The following ATP8A2 variants were observed in gnomAD, a reference collection of about 807,000 sequenced individuals.
The protein encoded by ATP8A2 is ATPase phospholipid transporting 8A2, also known as phospholipid-transporting ATPase IB.
Under a neutral mutation model 165.6 loss-of-function variants are expected in ATP8A2, and 100 were observed. The observed-to-expected ratio is 0.60, with a 90% CI of 0.51 to 0.71. The LOEUF (loss-of-function observed/expected upper bound fraction) is 0.71. Ranked by LOEUF, ATP8A2 falls within the 30% of genes least tolerant of loss-of-function variation. The pLI is 0.00. For synonymous variants in ATP8A2, 543 were observed against 548.8 expected, an observed-to-expected ratio of 0.99 and a Z score of 0.15; for missense variants, 1,227 against 1,479.5, an observed-to-expected ratio of 0.83 and a Z score of 2.80.
At chr13:25,654,752 C>T (rs2041889372) in intron 24 of ATP8A2, among the ~76,000 whole-genome samples, 1 of 152,158 alleles carries the variant, frequency 6.6e-6, no homozygotes, top group Admixed American at 6.5e-5. Flanking sequence ...CCTTCATTGT[C>T]ACTGGGGAGA....
At chr13:25,502,955 G>T (rs1480124257) in intron 2 of ATP8A2, among the ~76,000 whole-genome samples, 2 of 152,154 alleles carry the variant, frequency 1.3e-5, no homozygotes, top group African/African-American at 4.8e-5. Flanking sequence ...TTATTAGCTT[G>T]AGAAGAGACC....
chr13:25,955,604 T>C (rs1316099093), intron 33 of ATP8A2, among the ~76,000 whole-genome samples: 1 of 152,178 alleles, frequency 6.6e-6, no homozygotes, highest in African/African-American at 2.4e-5. Context: ...AATAGGCCAA[T>C]AACAAGTTCT....
At chr13:25,665,017 G>A (rs1203607146) in intron 24 of ATP8A2, among the ~76,000 whole-genome samples, 4 of 151,382 alleles carry the variant, frequency 2.6e-5, no homozygotes, top group Admixed American at 1.3e-4. Context: ...AAAAGCCGTC[G>A]AGACCAGGAG....
intron 1 of ATP8A2, among the ~76,000 whole-genome samples, chr13:25,452,758 C>CGTT (rs2035262410): frequency 6.6e-6 from 1 of 152,034 alleles, no homozygotes; most frequent in Admixed American, 6.6e-5. Flanking sequence ...TGAAATTAAA[C>CGTT]GTTTAATTTT....
intron 33 of ATP8A2, among the ~76,000 whole-genome samples, chr13:25,864,840 C>G (rs538491143): frequency 6.6e-6 from 1 of 152,158 alleles, no homozygotes; most frequent in Non-Finnish European, 1.5e-5. Flanking sequence ...TGTGTATCAT[C>G]TCTAGCCTTC....
intron 10 of ATP8A2, among the ~76,000 whole-genome samples, chr13:25,549,312 T>C (rs190033750): frequency 9.9e-5 from 15 of 151,950 alleles, no homozygotes; most frequent in African/African-American, 2.9e-4. Flanking sequence ...ACAAAAAAAT[T>C]AGTCGGGCAT....
intron 33 of ATP8A2, among the ~76,000 whole-genome samples, chr13:25,945,027 A>G (rs1317318899): frequency 6.6e-6 from 1 of 152,218 alleles, no homozygotes; most frequent in Admixed American, 6.5e-5. Flanking sequence ...GGGAGCCTGA[A>G]ACCAAGACCT....
At chr13:25,445,048 C>T (rs1408830782) in intron 1 of ATP8A2, among the ~76,000 whole-genome samples, 3 of 152,174 alleles carry the variant, frequency 2.0e-5, no homozygotes, top group Admixed American at 6.5e-5. Flanking sequence ...TACATGCGTT[C>T]TTTATTTTGG....
chr13:25,710,817 T>C (rs767330469), intron 25 of ATP8A2, among the ~76,000 whole-genome samples: 15 of 128,318 alleles, frequency 1.2e-4, no homozygotes, highest in Admixed American at 5.1e-4. Flanking sequence ...GGGATGAGTG[T>C]GTGGTGGGAA....
chr13:25,910,552 T>C (rs1350603005), intron 33 of ATP8A2, among the ~76,000 whole-genome samples: 1 of 151,840 alleles, frequency 6.6e-6, no homozygotes, highest in Non-Finnish European at 1.5e-5. Context: ...TGGACAGCAG[T>C]AGAGAGAAGT....
chr13:25,632,133 G>T (rs1208229249), intron 24 of ATP8A2, among the ~76,000 whole-genome samples: 1 of 152,172 alleles, frequency 6.6e-6, no homozygotes, highest in African/African-American at 2.4e-5. Context: ...TGAACAGCCA[G>T]ATAGAGAGAT....
chr13:25,958,482 G>A (rs534449395), intron 33 of ATP8A2, among the ~76,000 whole-genome samples: 1 of 152,266 alleles, frequency 6.6e-6, no homozygotes, highest in East Asian at 1.9e-4. Flanking sequence ...GTGCTGCACA[G>A]CTCATTGGCT....
intron 25 of ATP8A2, among the ~76,000 whole-genome samples, chr13:25,753,716 G>A (rs1226175914): frequency 6.6e-6 from 1 of 152,206 alleles, no homozygotes; most frequent in African/African-American, 2.4e-5. Context: ...GCAGCCACAT[G>A]ACAGCCATGT....
At chr13:25,791,542 T>TAC (rs55661899) in intron 27 of ATP8A2, among the ~76,000 whole-genome samples, 25,580 of 142,748 alleles carry the variant, frequency 0.18, 2,315 homozygotes, top group Admixed American at 0.24. Flanking sequence ...CACACACACA[T>TAC]ACACACACAC....
intron 33 of ATP8A2, among the ~76,000 whole-genome samples, chr13:25,937,057 C>CT (rs1483663634): frequency 1.3e-5 from 2 of 152,098 alleles, no homozygotes; most frequent in Admixed American, 1.3e-4. Context: ...GTGTATGAGT[C>CT]TTTTTCTGCG....
At chr13:25,732,552 G>T (rs1302302825) in intron 25 of ATP8A2, among the ~76,000 whole-genome samples, 2 of 152,186 alleles carry the variant, frequency 1.3e-5, no homozygotes, top group Non-Finnish European at 2.9e-5. Context: ...ATTAACTGAT[G>T]AAGTGAATCA....
intron 28 of ATP8A2, among the ~76,000 whole-genome samples, chr13:25,830,917 A>G (rs1951445857): frequency 2.0e-5 from 3 of 152,222 alleles, no homozygotes; most frequent in Non-Finnish European, 2.9e-5. Context: ...TGAAACATTT[A>G]ACATGGATTT....
chr13:25,690,252 G>A (rs1308178207), intron 24 of ATP8A2, among the ~76,000 whole-genome samples: 1 of 151,790 alleles, frequency 6.6e-6, no homozygotes, highest in African/African-American at 2.4e-5. Context: ...TGCATAAATA[G>A]TCTCTTTCTT....
intron 1 of ATP8A2, among the ~76,000 whole-genome samples, chr13:25,433,069 G>C (rs978490884): frequency 6.6e-6 from 1 of 152,106 alleles, no homozygotes; most frequent in Non-Finnish European, 1.5e-5. Context: ...TCTGATCTGT[G>C]GGAGCTGAGT....
Sources: gnomAD v4.1 joint callset for allele counts (sites outside exome capture counted in the v4.1 genomes callset) on GRCh38, gnomAD v4.1.1 for gene constraint, MANE v1.5 for transcripts, NCBI Gene and HGNC (gene_info 2026-07-23, HGNC 2026-07-21) for gene names.